ACACB: variants seen among roughly 807,000 people sequenced by gnomAD.
ACACB encodes the protein acetyl-CoA carboxylase beta.
ACACB carries 209 observed loss-of-function variants against 278.8 expected under a neutral mutation model. The ratio of observed to expected loss-of-function variants is 0.75; its 90% CI spans 0.67 to 0.84. ACACB has a LOEUF of 0.84. Among genes scored for constraint, ACACB ranks in the 40% least tolerant of loss-of-function variants. The probability of loss-of-function intolerance (pLI) is 0.00; values close to 1 mark genes in which losing one functional copy is unlikely to be tolerated. For synonymous variants in ACACB, 1,174 were observed against 1,285.6 expected (o/e 0.91, Z 1.86); for missense variants, 2,850 against 3,269.0 (o/e 0.87, Z 3.13).
intron 26 of ACACB, among the ~76,000 whole-genome samples, 163 bp from the exon 27 acceptor site, chr12:109,223,652 C>T (rs929698352): frequency 2.0e-5 from 3 of 152,138 alleles, no homozygotes; most frequent in Admixed American, 6.5e-5. Flanking sequence ...GTCCCAGCTG[C>T]TCAAGAGGTT....
intron 1 of ACACB, among the ~76,000 whole-genome samples, chr12:109,137,641 C>T (rs2043000384): frequency 6.7e-6 from 1 of 149,970 alleles, no homozygotes; most frequent in South Asian, 2.1e-4. Context: ...ACCTGGGCGA[C>T]AGGGTCAGAT....
intron 1 of ACACB, chr12:109,131,349 C>T (rs988206826): frequency 1.3e-5 from 2 of 152,778 alleles, no homozygotes; most frequent in Non-Finnish European, 2.9e-5. Context: ...ACTCTGCCAG[C>T]TGGGTTCCCT....
At chr12:109,245,294 G>GA (rs1043931658) in intron 37 of ACACB, among the ~76,000 whole-genome samples, 27 of 151,006 alleles carry the variant, frequency 1.8e-4, no homozygotes, top group Admixed American at 5.9e-4. Flanking sequence ...AAAGGAAAAT[G>GA]AAAAAAAAAG....
chr12:109,262,983 T>TATATATATATATATATATATA (rs1491252356), intron 49 of ACACB: 182 of 134,792 alleles, frequency 1.4e-3, no homozygotes, highest in Non-Finnish European at 2.0e-3. Context: ...TATATATATA[T>TATATATATATATATATATATA]TGCCATCGTG....
At chr12:109,135,569 T>C (rs1362270329) in intron 1 of ACACB, among the ~76,000 whole-genome samples, 3 of 151,746 alleles carry the variant, frequency 2.0e-5, no homozygotes, top group Non-Finnish European at 4.4e-5. Context: ...TTGGACTTCA[T>C]CAAGAAGCAT....
At chr12:109,219,985 A>G (rs2046113510) in intron 24 of ACACB, among the ~76,000 whole-genome samples, 1 of 152,210 alleles carries the variant, frequency 6.6e-6, no homozygotes, top group Non-Finnish European at 1.5e-5. Context: ...AGTGTTTGTC[A>G]AGCAAAATAT....
At chr12:109,266,097 A>G (rs1411732169) in intron 52 of ACACB, 139 bp from the exon 53 acceptor site, 2 of 1,081,034 alleles carry the variant, frequency 1.9e-6, no homozygotes, top group East Asian at 2.7e-5. Context: ...GCACAGGACC[A>G]TCACCCCCAT....
Position 109,260,422 on chromosome 12 carries a change from T to C in ACACB, c.6497-58T>C, listed in dbSNP as rs2047348268. The C allele has an allele frequency of 2.5e-6, 4 of 1,603,160 alleles. No individual in the cohort carries two copies. The East Asian group carries it at 8.9e-5, about 36-fold the overall frequency. ...AGGACCCCCAGGACAACTAGGGCAG[T>C]GGGTTTCATGTGTGGATGAGTGAGG... is the stretch of plus-strand genomic sequence containing the variant. On this transcript the variant is annotated intron_variant, in intron 47 of 52. Coordinates refer to ENST00000338432, the MANE Select transcript of ACACB (RefSeq NM_001093.4).
chr12:109,176,208 G>A lies in ACACB; in HGVS notation c.1382G>A (p.Gly461Glu). Residue 461 changes from glycine (G) to glutamate (E), a missense_variant, in exon 9 of 53, where the codon GGG becomes GAG. Gly to Glu is a moderately conservative substitution (Grantham distance 98). This residue lies in a region of ACACB where 2,265 missense variants were observed against 2,561.3 expected (regional missense o/e 0.88). Transcript: ENST00000338432. The stretch of plus-strand genomic sequence containing the variant: ...ATCAAAGCTTCTGAAGGTGGCGGAG[G>A]GAAGGGAATCCGGAAGGCTGAGAGT... ...LMIKASEGGG[G>E]KGIRKAESAE... 1 of 1,614,166 alleles carries A rather than the reference G, an allele frequency of 6.2e-7. No individual in the cohort carries two copies. The highest frequency in any genetic ancestry group is 8.5e-7 in the Non-Finnish European group (1 of 1,180,030).
At chr12:109,116,025 A>C (rs2042396960), upstream of ACACB, among the ~76,000 whole-genome samples, 1 of 152,224 alleles carries the variant, frequency 6.6e-6, no homozygotes, top group Non-Finnish European at 1.5e-5. Context: ...ACACTATGTA[A>C]CTGCAGCGTG....
rs1348608986 is a variant in ACACB at position 109,258,258 on chromosome 12, C to T, written c.6264-10C>T. The stretch of plus-strand genomic sequence containing the variant: ...GCCCAGGGCCTGGCTCACTGGTGCT[C>T]ATTTTCCAGGCTTGGGGGGATTCCC... On this transcript the variant is annotated splice_polypyrimidine_tract_variant and intron_variant, in intron 45 of 52. Transcript: ENST00000338432. The T allele has an allele frequency of 6.2e-7, 1 of 1,609,502 alleles. No individual in the cohort carries two copies. Among genetic ancestry groups the T allele is most frequent in the Non-Finnish European group, 8.5e-7 (1 of 1,178,376 alleles).
chr12:109,178,103 A>AG (rs2044336822), intron 9 of ACACB, among the ~76,000 whole-genome samples: 1 of 152,212 alleles, frequency 6.6e-6, no homozygotes, highest in Non-Finnish European at 1.5e-5. Context: ...CACTATTAGC[A>AG]GCTGCCGATG....
chr12:109,121,777 C>T (rs2042555096), intron 1 of ACACB, among the ~76,000 whole-genome samples: 1 of 152,142 alleles, frequency 6.6e-6, no homozygotes. Flanking sequence ...GTTCACTGAC[C>T]CTGACGCTTC....
At chr12:109,141,196 C>G (rs1213317936) in intron 2 of ACACB, among the ~76,000 whole-genome samples, 1 of 111,354 alleles carries the variant, frequency 9.0e-6, no homozygotes, top group Non-Finnish European at 2.2e-5. Context: ...ACACCCAGCC[C>G]ATTCATTCAT....
intron 2 of ACACB, among the ~76,000 whole-genome samples, chr12:109,141,195 CCATTCATT>C (rs35102243): frequency 2.0e-5 from 3 of 151,878 alleles, no homozygotes; most frequent in Admixed American, 6.6e-5. Context: ...CACACCCAGC[CCATTCATT>C]CATTCATTCA....
Position 109,265,224 on chromosome 12 carries a change from G to A in ACACB, c.7057G>A (p.Val2353Met), listed in dbSNP as rs764524027. ...ILQASGELSHVHIQSMLRRWF... is the reference protein window; with the variant it reads ...ILQASGELSHMHIQSMLRRWF... ...GCAGGCCAGCGGGGAGCTGAGTCACGTGCATATCCAGTCCATGCTGCGTCG... is the reference window on the plus strand; with the variant it reads ...GCAGGCCAGCGGGGAGCTGAGTCACATGCATATCCAGTCCATGCTGCGTCG... The change falls in exon 51 of 53, where the codon GTG becomes ATG. Residue 2353 changes from valine to methionine, a missense_variant. By Grantham distance (21) the Val-to-Met change is conservative. Coordinates refer to ENST00000338432, the MANE Select transcript of ACACB (RefSeq NM_001093.4). 1.1e-5 allele frequency: 18 copies of A among 1,613,532 alleles called. No individual in the cohort carries two copies. Among genetic ancestry groups the A allele is most frequent in the Middle Eastern group, 3.3e-4 (2 of 6,084 alleles).
intron 17 of ACACB, among the ~76,000 whole-genome samples, chr12:109,199,160 A>G (rs112289639): frequency 2.6e-5 from 4 of 152,072 alleles, no homozygotes; most frequent in Admixed American, 1.3e-4. Flanking sequence ...ACTGCACTCC[A>G]GCCTGGGCAA....
chr12:109,238,780 G>C (rs1422155485), intron 34 of ACACB, among the ~76,000 whole-genome samples: 1 of 151,692 alleles, frequency 6.6e-6, no homozygotes, highest in Non-Finnish European at 1.5e-5. Flanking sequence ...GGTCAGGCTG[G>C]TCTGAAACTG....
chr12:109,264,258 C>T lies in ACACB; in HGVS notation c.6814C>T (p.Arg2272Ter), dbSNP rs200890630. 253 of 1,614,052 alleles carry T rather than the reference C, an allele frequency of 1.6e-4. No individual in the cohort carries two copies. The highest frequency in any genetic ancestry group is 1.6e-4 in the Non-Finnish European group (194 of 1,180,038). Residue 2272 changes from arginine (R) to a stop codon, truncating the protein, a stop_gained, in exon 50 of 53, where the codon CGA (arginine) becomes TGA (stop). Transcript: ENST00000338432. LOFTEE classifies it high-confidence loss of function. ...GGAACCTGATCTCTCCGACAAGGAC[C>T]GAAAGGACCTGGAGGGCCGGCTAAA... ...LGEPDLSDKD[R>*]KDLEGRLKAR...
Sources: allele counts gnomAD v4.1 joint callset (sites outside exome capture counted in the v4.1 genomes callset), GRCh38; gene constraint gnomAD v4.1.1; regional missense constraint gnomAD v4.1.1; transcripts MANE v1.5; gene names NCBI Gene and HGNC (gene_info 2026-07-23, HGNC 2026-07-21).